The following DACH2 variants were observed in gnomAD, a reference collection of about 807,000 sequenced individuals.
DACH2 encodes dachshund homolog 2.
DACH2 carries 17 observed loss-of-function variants against 35.8 expected under a neutral mutation model. The observed-to-expected ratio is 0.48, with a 90% CI of 0.33 to 0.71. DACH2 has a LOEUF of 0.71. DACH2 is among the 30% of genes least tolerant of loss of function. The probability of loss-of-function intolerance (pLI) is 0.02; values close to 1 mark genes in which losing one functional copy is unlikely to be tolerated. For synonymous variants in DACH2, 195 were observed against 177.3 expected, an observed-to-expected ratio of 1.10 and a Z score of -0.79; for missense variants, 469 against 472.7, an observed-to-expected ratio of 0.99 and a Z score of 0.07.
chrX:86,637,246 A>AAAC (rs2040282352), intron 3 of DACH2, among the ~76,000 whole-genome samples: 1 of 81,849 alleles, frequency 1.2e-5, no homozygotes, highest in Non-Finnish European at 2.3e-5. Flanking sequence ...AAAAAAAAAA[A>AAAC]CAGATGCTGG....
At chrX:86,574,203 A>C (rs1258733919) in intron 3 of DACH2, among the ~76,000 whole-genome samples, 1 of 111,244 alleles carries the variant, frequency 9.0e-6, no homozygotes, top group Non-Finnish European at 1.9e-5. Context: ...AAATACACAC[A>C]AAATTCTGAT....
intron 3 of DACH2, among the ~76,000 whole-genome samples, chrX:86,590,482 G>A (rs1196126048): frequency 8.9e-6 from 1 of 111,817 alleles, no homozygotes; most frequent in Non-Finnish European, 1.9e-5. Flanking sequence ...GGACATCTTA[G>A]TTGCTTCCAA....
intron 3 of DACH2, among the ~76,000 whole-genome samples, chrX:86,602,789 T>C (rs1382828651): frequency 9.0e-6 from 1 of 111,669 alleles, no homozygotes; most frequent in Non-Finnish European, 1.9e-5. Flanking sequence ...CTTTTTATTT[T>C]GTAACAGTGC....
chrX:86,751,290 C>T (rs957959469), intron 7 of DACH2, among the ~76,000 whole-genome samples: 1 of 110,398 alleles, frequency 9.1e-6, no homozygotes, highest in African/African-American at 3.3e-5. Flanking sequence ...ATAGAGTAGG[C>T]GTCATCCACG....
chrX:86,720,998 G>A (rs2041399602), intron 6 of DACH2, among the ~76,000 whole-genome samples: 1 of 112,525 alleles, frequency 8.9e-6, no homozygotes, highest in Non-Finnish European at 1.9e-5. Flanking sequence ...GAACTGAGCT[G>A]TATATTGGCC....
Position 86,463,571 on chromosome X carries a change from C to T in DACH2, c.528-50708C>T, listed in dbSNP as rs908420551. ...ACGAAAAACCCCAAATCATAAAAAC[C>T]CTAGAAGAAAACCTGGGCAATACCA... On this transcript the variant is annotated intron_variant, in intron 2 of 11. Transcript: ENST00000373125. Among the ~76,000 whole-genome samples, 3 of 110,764 alleles carry T rather than the reference C, an allele frequency of 2.7e-5. No homozygotes were observed. In the Admixed American group the frequency reaches 2.9e-4, roughly 11 times the overall value.
chrX:86,596,912 C>T (rs1308916439), intron 3 of DACH2, among the ~76,000 whole-genome samples: 4 of 111,002 alleles, frequency 3.6e-5, no homozygotes, highest in Non-Finnish European at 7.6e-5. Context: ...ATTGAGTGTC[C>T]TTATCAATGT....
intron 1 of DACH2, among the ~76,000 whole-genome samples, chrX:86,311,489 A>G (rs1384835142): frequency 1.8e-5 from 2 of 111,547 alleles, no homozygotes; most frequent in Admixed American, 1.9e-4. Flanking sequence ...CCAGAAGGCC[A>G]TGTATGCTCT....
intron 1 of DACH2, among the ~76,000 whole-genome samples, chrX:86,349,292 TCGC>T (rs1354241482): frequency 1.8e-5 from 2 of 111,405 alleles, no homozygotes; most frequent in Non-Finnish European, 3.8e-5. Context: ...TCATTTCGCC[TCGC>T]CGGTTGATGG....
chrX:86,745,253 G>A (rs182646288), intron 7 of DACH2, among the ~76,000 whole-genome samples: 186 of 111,370 alleles, frequency 1.7e-3, no homozygotes, highest in African/African-American at 5.6e-3. Context: ...TGGAATAAAA[G>A]CATTGTCATA....
rs141385516 is a variant in DACH2, at chrX:86,339,203, A to G, written c.489-37621A>G. 6.9e-3 allele frequency among the ~76,000 whole-genome samples: 772 copies of G among 111,783 alleles called. 6 individuals carry two copies. Among genetic ancestry groups the G allele is most frequent in the African/African-American group, 0.024 (737 of 30,860 alleles). On this transcript the variant is annotated intron_variant, in intron 1 of 11. Coordinates refer to ENST00000373125, the MANE Select transcript of DACH2 (RefSeq NM_053281.3). ...ACAATATGAATTTATACCTGCCACA[A>G]TATAAAACAGGGAGTATCATTAAAT...
At chrX:86,291,594 A>G (rs773881357) in intron 1 of DACH2, among the ~76,000 whole-genome samples, 2 of 108,873 alleles carry the variant, frequency 1.8e-5, no homozygotes, top group African/African-American at 6.8e-5. Context: ...TTTGAGATAC[A>G]TCCCATCAAT....
At chrX:86,544,352 A>G (rs761891290) in intron 3 of DACH2, among the ~76,000 whole-genome samples, 81 of 111,516 alleles carry the variant, frequency 7.3e-4, no homozygotes, top group Admixed American at 9.5e-4. Context: ...CAGATTATCC[A>G]AAGTAAACAT....
At chrX:86,307,849 G>A (rs2148020739) in intron 1 of DACH2, among the ~76,000 whole-genome samples, 1 of 111,687 alleles carries the variant, frequency 9.0e-6, no homozygotes, top group Non-Finnish European at 1.9e-5. Flanking sequence ...GGATACAAAG[G>A]GCATGGGATA....
chrX:86,393,960 A>ATTT (rs1182646896), intron 2 of DACH2, among the ~76,000 whole-genome samples: 1 of 107,951 alleles, frequency 9.3e-6, no homozygotes, highest in African/African-American at 3.3e-5. Context: ...TATTATTATT[A>ATTT]TTATTATTTT....
chrX:86,501,421 G>T (rs1399838118), intron 2 of DACH2, among the ~76,000 whole-genome samples: 1 of 111,933 alleles, frequency 8.9e-6, no homozygotes. Flanking sequence ...GTTAAACACA[G>T]CCATTAACTT....
intron 2 of DACH2, among the ~76,000 whole-genome samples, chrX:86,513,820 C>T (rs1344569626): frequency 8.9e-6 from 1 of 112,048 alleles, no homozygotes; most frequent in Non-Finnish European, 1.9e-5. Flanking sequence ...TAATAAACAT[C>T]AGCTTCTATT....
At chrX:86,283,965 T>C (rs1233521114) in intron 1 of DACH2, among the ~76,000 whole-genome samples, 1 of 105,976 alleles carries the variant, frequency 9.4e-6, no homozygotes, top group African/African-American at 3.6e-5. Context: ...GTCCCACAAC[T>C]TTACTGAATT....
intron 1 of DACH2, among the ~76,000 whole-genome samples, chrX:86,289,316 CT>C (rs1252214918): frequency 9.4e-6 from 1 of 106,941 alleles, no homozygotes; most frequent in African/African-American, 3.4e-5. Context: ...GATGGGGTAT[CT>C]TTTGGAACTG....
Sources: allele counts gnomAD v4.1 joint callset (sites outside exome capture counted in the v4.1 genomes callset), GRCh38; gene constraint gnomAD v4.1.1; transcripts MANE v1.5; gene names NCBI Gene and HGNC (gene_info 2026-07-23, HGNC 2026-07-21).